RTKN2: variants seen among roughly 807,000 people sequenced by gnomAD.
RTKN2 encodes rhotekin 2, also known as rhotekin-2.
In RTKN2, 69 loss-of-function variants were observed where a neutral mutation model predicts 71.5. The ratio of observed to expected loss-of-function variants is 0.96; its 90% CI spans 0.79 to 1.18. The LOEUF is 1.18. Ranked by LOEUF, RTKN2 falls within the 50% of genes most tolerant of loss-of-function variation. The probability of loss-of-function intolerance (pLI) is 0.00; values close to 1 mark genes in which losing one functional copy is unlikely to be tolerated. For missense variants in RTKN2, 724 were observed against 719.7 expected, an observed-to-expected ratio of 1.01 and a Z score of -0.07; for synonymous variants, 236 against 236.5, an observed-to-expected ratio of 1.00 and a Z score of 0.02.
At chr10:62,220,876 G>A (rs1841890374) in intron 7 of RTKN2, among the ~76,000 whole-genome samples, 1 of 151,802 alleles carries the variant, frequency 6.6e-6, no homozygotes, top group Non-Finnish European at 1.5e-5. Context: ...CAAAAATGTT[G>A]GAATTATATG....
rs756174817 is a variant in RTKN2 at position 62,215,033 on chromosome 10, A to T, written c.1020+2085T>A. The T allele has an allele frequency of 4.8e-6, 7 of 1,467,632 alleles. No individual in the cohort carries two copies. In the South Asian group the frequency reaches 8.8e-5, roughly 18 times the overall value. 90.9% of individuals were successfully genotyped at this position (1,467,632 alleles called of 1,614,324 possible). On this transcript the variant is annotated intron_variant, in intron 9 of 11. Coordinates refer to ENST00000373789, the MANE Select transcript of RTKN2 (RefSeq NM_145307.4). Reference sequence around the variant, plus strand: ...TGTCATCCCTGCTTTGCCTACCTTAAAGGACTGAGATATGGCGAGTTGAAT... The same window carrying T: ...TGTCATCCCTGCTTTGCCTACCTTATAGGACTGAGATATGGCGAGTTGAAT...
chr10:62,231,345 A>G (rs1463254586), intron 6 of RTKN2, among the ~76,000 whole-genome samples: 2 of 152,192 alleles, frequency 1.3e-5, no homozygotes, highest in East Asian at 3.8e-4. Context: ...GAATTTTAGT[A>G]AGCTAAATTC....
At chr10:62,189,719 G>A (rs938974377), downstream of RTKN2, among the ~76,000 whole-genome samples, 6 of 152,128 alleles carry the variant, frequency 3.9e-5, no homozygotes, top group Non-Finnish European at 8.8e-5. Flanking sequence ...CCAGCTACTC[G>A]GGAGGCTGAG....
At chr10:62,185,862 T>C (rs1589321518) in intron 8 of RTKN2, among the ~76,000 whole-genome samples, 2 of 152,226 alleles carry the variant, frequency 1.3e-5, no homozygotes, top group East Asian at 1.9e-4. Context: ...GTTGGGATAA[T>C]AGTAATAGCC....
intron 2 of RTKN2, among the ~76,000 whole-genome samples, chr10:62,260,391 T>C (rs1223978561): frequency 6.6e-6 from 1 of 152,236 alleles, no homozygotes; most frequent in African/African-American, 2.4e-5. Flanking sequence ...TTTCTAGTTA[T>C]ATCTGATCAG....
intron 9 of RTKN2, among the ~76,000 whole-genome samples, chr10:62,214,194 A>C (rs948218262): frequency 1.3e-5 from 2 of 151,814 alleles, no homozygotes; most frequent in Non-Finnish European, 2.9e-5. Flanking sequence ...ATATTCTATA[A>C]TAATAATAAA....
chr10:62,225,566 T>A (rs1259462621), intron 6 of RTKN2, among the ~76,000 whole-genome samples: 10 of 152,256 alleles, frequency 6.6e-5, no homozygotes, highest in Admixed American at 4.6e-4. Context: ...CTTCTGGTTA[T>A]CTACATCAGA....
At chr10:62,242,029 T>G (rs1475274845) in intron 3 of RTKN2, among the ~76,000 whole-genome samples, 1 of 101,830 alleles carries the variant, frequency 9.8e-6, no homozygotes, top group Non-Finnish European at 2.1e-5. Flanking sequence ...TTTTTTTTTT[T>G]GTAGAGACAG....
At chr10:62,268,277 G>A (rs896613280) in intron 1 of RTKN2, among the ~76,000 whole-genome samples, 1 of 152,244 alleles carries the variant, frequency 6.6e-6, no homozygotes, top group East Asian at 1.9e-4. Context: ...AGCCTGGGGA[G>A]GGCAGCGGAC....
At chr10:62,215,106 T>C (rs1005859630) in intron 9 of RTKN2, 27 of 1,398,168 alleles carry the variant, frequency 1.9e-5, no homozygotes, top group Non-Finnish European at 2.0e-5. Context: ...AAAAATATCA[T>C]TTGTTTAGAT....
At chr10:62,243,971 C>A (rs1842431061) in intron 3 of RTKN2, among the ~76,000 whole-genome samples, 1 of 152,102 alleles carries the variant, frequency 6.6e-6, no homozygotes, top group African/African-American at 2.4e-5. Context: ...GTAAATACTA[C>A]ATTTACATAT....
chr10:62,195,244 C>T lies in RTKN2; in HGVS notation c.*2664G>A. 3.1e-6 allele frequency: 3 copies of T among 981,000 alleles called. No individual in the cohort carries two copies. Among genetic ancestry groups the T allele is most frequent in the Non-Finnish European group, 3.6e-6 (3 of 826,046 alleles). 60.8% of individuals were successfully genotyped at this position (981,000 alleles called of 1,614,324 possible). A position where few individuals can be genotyped will look rare whatever the true frequency, so the allele number is the denominator to read the frequency against. On this transcript the variant is annotated 3_prime_UTR_variant, in exon 12 of 12. Coordinates refer to ENST00000373789, the MANE Select transcript of RTKN2 (RefSeq NM_145307.4). Reference sequence around the variant, plus strand: ...CAATTATATTATCAAGAGCTGACAGCTAACTCTTTGTTTCAAGTTTATAGT... The same window carrying T: ...CAATTATATTATCAAGAGCTGACAGTTAACTCTTTGTTTCAAGTTTATAGT...
In RTKN2 at chr10:62,193,850, A is replaced by G; in HGVS notation, c.*4058T>C. ...TGTAAACATTTTAATAATGTTAATT[A>G]TACCATGGCTTATCAGAATGTTAGT... On this transcript the variant is annotated 3_prime_UTR_variant, in exon 12 of 12. Coordinates refer to ENST00000373789, the MANE Select transcript of RTKN2 (RefSeq NM_145307.4). 5 of 978,068 alleles carry G rather than the reference A, an allele frequency of 5.1e-6. No homozygotes were observed. The highest frequency in any genetic ancestry group is 6.1e-6 in the Non-Finnish European group (5 of 823,210). 60.6% of individuals were successfully genotyped at this position (978,068 alleles called of 1,614,324 possible). A position where few individuals can be genotyped will look rare whatever the true frequency, so the allele number is the denominator to read the frequency against.
downstream of RTKN2, among the ~76,000 whole-genome samples, chr10:62,189,309 G>C (rs115226216): frequency 4.8e-3 from 728 of 152,044 alleles, 2 homozygotes; most frequent in African/African-American, 0.016. Context: ...ATGTTTTGTA[G>C]TGGGCAAAAA....
intron 11 of RTKN2, 116 bp from the exon 12 acceptor site, chr10:62,198,559 A>G (rs1287404754): frequency 1.3e-6 from 1 of 766,522 alleles, no homozygotes. Flanking sequence ...AAAGACTATG[A>G]TAAGGAAAAC....
intron 1 of RTKN2, among the ~76,000 whole-genome samples, chr10:62,267,630 A>C (rs913878107): frequency 1.6e-4 from 24 of 152,240 alleles, no homozygotes; most frequent in African/African-American, 5.8e-4. Context: ...AAAACTAATA[A>C]TTTTGTGTCT....
At chr10:62,241,284 T>A in intron 3 of RTKN2, 89 bp from the exon 4 acceptor site, 1 of 715,820 alleles carries the variant, frequency 1.4e-6, no homozygotes, top group Admixed American at 2.9e-5. Context: ...TCCATAATAA[T>A]TCTGACTACT....
intron 6 of RTKN2, among the ~76,000 whole-genome samples, chr10:62,232,850 T>C (rs1260438080): frequency 6.6e-6 from 1 of 152,168 alleles, no homozygotes; most frequent in Admixed American, 6.5e-5. Flanking sequence ...ATTATCTTAT[T>C]AAATCTCGTA....
chr10:62,255,703 T>C (rs1051447439), intron 2 of RTKN2, among the ~76,000 whole-genome samples: 4 of 152,100 alleles, frequency 2.6e-5, no homozygotes, highest in African/African-American at 9.7e-5. Context: ...ACCCCACAGA[T>C]TATTTATGAA....
Sources: allele counts gnomAD v4.1 joint callset (sites outside exome capture counted in the v4.1 genomes callset), GRCh38; gene constraint gnomAD v4.1.1; transcripts MANE v1.5; gene names NCBI Gene and HGNC (gene_info 2026-07-23, HGNC 2026-07-21).